EIF2B3: variants seen among roughly 807,000 people sequenced by gnomAD.
EIF2B3 encodes the protein eukaryotic translation initiation factor 2B subunit gamma.
EIF2B3 carries 20 observed loss-of-function variants against 54.1 expected under a neutral mutation model. The observed-to-expected ratio is 0.37, with a 90% CI of 0.26 to 0.54. The LOEUF (loss-of-function observed/expected upper bound fraction) is 0.54. Ranked by LOEUF, EIF2B3 falls within the 20% of genes least tolerant of loss-of-function variation. EIF2B3 has a pLI of 0.86. For synonymous variants in EIF2B3, 153 were observed against 188.1 expected, an observed-to-expected ratio of 0.81 and a Z score of 1.52; for missense variants, 448 against 547.8, an observed-to-expected ratio of 0.82 and a Z score of 1.82.
At chr1:44,892,226 T>C (rs1655819108) in intron 6 of EIF2B3, among the ~76,000 whole-genome samples, 1 of 152,216 alleles carries the variant, frequency 6.6e-6, no homozygotes, top group African/African-American at 2.4e-5. Flanking sequence ...CCACAGGATT[T>C]AGAATTCTCT....
At chr1:44,971,176 A>T (rs1428327996) in intron 3 of EIF2B3, among the ~76,000 whole-genome samples, 1 of 152,034 alleles carries the variant, frequency 6.6e-6, no homozygotes, top group East Asian at 1.9e-4. Flanking sequence ...GAAGTAGGAG[A>T]TCGAGACCAT....
intron 7 of EIF2B3, 42 bp from the exon 8 acceptor site, chr1:44,880,050 G>C: frequency 1.4e-3 from 1,981 of 1,446,024 alleles, no homozygotes; most frequent in Non-Finnish European, 1.7e-3. Context: ...ATGAGAGAGA[G>C]ATAACAGAAC....
intron 5 of EIF2B3, among the ~76,000 whole-genome samples, chr1:44,915,525 C>T (rs956164397): frequency 5.3e-5 from 8 of 151,390 alleles, no homozygotes; most frequent in Non-Finnish European, 8.8e-5. Flanking sequence ...CCATGCCCAG[C>T]GAATTAAAAA....
At chr1:44,877,930 G>A (rs1253385591) in intron 8 of EIF2B3, among the ~76,000 whole-genome samples, 2 of 152,140 alleles carry the variant, frequency 1.3e-5, no homozygotes, top group African/African-American at 4.8e-5. Flanking sequence ...CTTCAGGCCC[G>A]TCTGCTGCAT....
At chr1:44,886,105 G>GT (rs1406093743) in intron 6 of EIF2B3, among the ~76,000 whole-genome samples, 2 of 148,170 alleles carry the variant, frequency 1.3e-5, no homozygotes, top group African/African-American at 5.0e-5. Flanking sequence ...GCAAATTTTT[G>GT]TTTTTTTAGA....
intron 8 of EIF2B3, among the ~76,000 whole-genome samples, chr1:44,876,168 A>C (rs1278704667): frequency 6.6e-6 from 1 of 152,002 alleles, no homozygotes; most frequent in Non-Finnish European, 1.5e-5. Flanking sequence ...TGGCCTCCCA[A>C]AGAGCTGAGA....
chr1:44,971,679 T>A (rs1447482623), intron 3 of EIF2B3, among the ~76,000 whole-genome samples: 1 of 152,164 alleles, frequency 6.6e-6, no homozygotes, highest in Non-Finnish European at 1.5e-5. Context: ...AATCCCAAGC[T>A]CTTTGCAAAT....
At chr1:44,893,427 T>C (rs1421094493) in intron 6 of EIF2B3, among the ~76,000 whole-genome samples, 4 of 152,202 alleles carry the variant, frequency 2.6e-5, no homozygotes, top group Non-Finnish European at 4.4e-5. Flanking sequence ...TATAAGCATG[T>C]TGGCAACAGA....
intron 3 of EIF2B3, among the ~76,000 whole-genome samples, chr1:44,957,105 A>C (rs1297053592): frequency 6.6e-6 from 1 of 152,178 alleles, no homozygotes; most frequent in Non-Finnish European, 1.5e-5. Context: ...TCTCCACAAA[A>C]AAGAAAAAAA....
intron 6 of EIF2B3, among the ~76,000 whole-genome samples, chr1:44,891,534 C>T (rs1655797552): frequency 6.6e-6 from 1 of 152,188 alleles, no homozygotes; most frequent in South Asian, 2.1e-4. Context: ...CATCCCATCT[C>T]CTTACACTTA....
At chr1:44,873,647 A>T (rs554336918) in intron 10 of EIF2B3, among the ~76,000 whole-genome samples, 17 of 148,274 alleles carry the variant, frequency 1.1e-4, no homozygotes, top group East Asian at 5.9e-4. Flanking sequence ...TTATTTATTT[A>T]TTTTTTTTTT....
At chr1:44,943,907 C>T (rs185835362) in intron 3 of EIF2B3, among the ~76,000 whole-genome samples, 81 of 151,798 alleles carry the variant, frequency 5.3e-4, no homozygotes, top group Non-Finnish European at 9.1e-4. Context: ...CATTTTGGGA[C>T]GCCAAGGTGG....
chr1:44,879,910 T>C lies in EIF2B3; in HGVS notation c.883A>G (p.Arg295Gly), dbSNP rs1221861482. The C allele has an allele frequency of 6.2e-7, 1 of 1,614,194 alleles. No homozygotes were observed. Among genetic ancestry groups the C allele is most frequent in the Admixed American group, 1.7e-5 (1 of 60,012 alleles). ...CRGDRWEDLSRSQVRCYVHIM... is the reference protein window; with the variant it reads ...CRGDRWEDLSGSQVRCYVHIM... Reference sequence around the variant, plus strand: ...TGGACATAGCAGCGCACCTGTGATCTGGACAAGTCTTCCCACCTGTCTCCT... The same window carrying C: ...TGGACATAGCAGCGCACCTGTGATCCGGACAAGTCTTCCCACCTGTCTCCT... Residue 295 changes from arginine to glycine, a missense_variant, in exon 8 of 12, where the codon AGA becomes GGA. Physicochemically the swap from Arg to Gly is moderately radical, Grantham distance 125. Transcript: ENST00000360403.
intron 6 of EIF2B3, among the ~76,000 whole-genome samples, chr1:44,884,430 A>ACAGAGG (rs1557669925): frequency 1.3e-5 from 2 of 152,182 alleles, no homozygotes; most frequent in Non-Finnish European, 2.9e-5. Flanking sequence ...GGAAGGCAAG[A>ACAGAGG]CAGAGGCAGA....
At chr1:44,942,405 A>T (rs1422994825) in intron 3 of EIF2B3, among the ~76,000 whole-genome samples, 1 of 18,242 alleles carries the variant, frequency 5.5e-5, no homozygotes, top group Admixed American at 7.5e-4. Flanking sequence ...ATATATATAT[A>T]TATATATATA....
At chr1:44,971,985 T>C (rs1013198627) in intron 3 of EIF2B3, among the ~76,000 whole-genome samples, 4 of 151,672 alleles carry the variant, frequency 2.6e-5, no homozygotes, top group African/African-American at 9.7e-5. Context: ...TAAGCCGAGA[T>C]TGCACCATTG....
chr1:44,941,626 C>T lies in EIF2B3; in HGVS notation c.334G>A (p.Val112Ile), dbSNP rs745869984. 91 of 1,613,944 alleles carry T rather than the reference C, an allele frequency of 5.6e-5. No individual in the cohort carries two copies. In the Admixed American group the frequency reaches 8.8e-4, roughly 16 times the overall value. Residue 112 changes from valine (V) to isoleucine (I), a missense_variant, in exon 4 of 12, where the codon GTT becomes ATT. By Grantham distance (29) the Val-to-Ile change is conservative (BLOSUM62 3). Transcript: ENST00000360403. ...LVLSCDLITD[V>I]ALHEVVDLFR... is the part of the protein sequence containing the mutation. ...AGGTCCACAACCTCATGTAAGGCAA[C>T]GTCTGTTATCAGATCACAGCTCAGC...
At chr1:44,853,278 G>A (rs1215047138) in intron 11 of EIF2B3, among the ~76,000 whole-genome samples, 1 of 151,978 alleles carries the variant, frequency 6.6e-6, no homozygotes, top group Admixed American at 6.6e-5. Context: ...GTATTTTCAT[G>A]GTGATTCAGT....
chr1:44,922,220 A>G (rs982933606), intron 5 of EIF2B3, among the ~76,000 whole-genome samples: 1 of 150,862 alleles, frequency 6.6e-6, no homozygotes, highest in Non-Finnish European at 1.5e-5. Flanking sequence ...AGCCAATTCC[A>G]TATAAACTTT....
Sources: allele counts gnomAD v4.1 joint callset (sites outside exome capture counted in the v4.1 genomes callset), GRCh38; gene constraint gnomAD v4.1.1; transcripts MANE v1.5; gene names NCBI Gene and HGNC (gene_info 2026-07-23, HGNC 2026-07-21).